The following ZNF276 variants were observed in gnomAD, a reference collection of about 807,000 sequenced individuals.
The protein encoded by ZNF276 is centromere protein Z.
In ZNF276, 59 loss-of-function variants were observed where a neutral mutation model predicts 63.9. The observed-to-expected ratio is 0.92, with a 90% CI of 0.75 to 1.15. The LOEUF (loss-of-function observed/expected upper bound fraction) is 1.15. Ranked by LOEUF, ZNF276 falls within the 50% of genes most tolerant of loss-of-function variation. The probability of loss-of-function intolerance (pLI) is 0.00; values close to 1 mark genes in which losing one functional copy is unlikely to be tolerated. For missense variants in ZNF276, 1,084 were observed against 843.8 expected (o/e 1.28, Z -3.53); for synonymous variants, 496 against 348.4 (o/e 1.42, Z -4.72).
Position 89,737,856 on chromosome 16 carries a change from A to G in ZNF276, c.1525A>G (p.Lys509Glu), listed in dbSNP as rs1374639999. The change falls in exon 10 of 11, where the codon AAG becomes GAG. Residue 509 changes from lysine (K) to glutamate (E), a missense_variant. Transcript: ENST00000443381. The part of the protein sequence containing the change: ...DECGQTFKQR[K>E]HLLVHQMRHS... ...ATGTGGACAAACCTTCAAGCAGCGG[A>G]AGCACCTTCTCGTCCACCAAATGCG... The G allele has an allele frequency of 6.2e-7, 1 of 1,614,168 alleles. No individual in the cohort carries two copies.
chr16:89,722,847 C>T lies in ZNF276; in HGVS notation c.509+13C>T, dbSNP rs374939041. 1.5e-5 allele frequency: 24 copies of T among 1,595,816 alleles called. No individual in the cohort carries two copies. The African/African-American group carries it at 2.0e-4, about 13-fold the overall frequency. ...AGCCTTGTGCAAAGTACGCCCTAGT[C>T]TGTTCAGAGCACGTTCAGGCTGTCA... On this transcript the variant is annotated intron_variant, in intron 2 of 10. Transcript: ENST00000443381.
chr16:89,735,052 GGGAGGC>G (rs1211088846), intron 9 of ZNF276, among the ~76,000 whole-genome samples: 1 of 150,240 alleles, frequency 6.7e-6, no homozygotes, highest in Non-Finnish European at 1.5e-5. Context: ...ACAGCTACTT[GGGAGGC>G]GGAGGTGGAG....
intron 5 of ZNF276, 69 bp downstream of exon 5, chr16:89,727,426 G>C: frequency 6.5e-7 from 1 of 1,547,338 alleles, no homozygotes; most frequent in Non-Finnish European, 8.9e-7. Flanking sequence ...CTTTCTGAGG[G>C]GTGAGAGAAG....
chr16:89,733,968 C>G lies in ZNF276; in HGVS notation c.1404C>G (p.Pro468=). The stretch of plus-strand genomic sequence containing the variant: ...AGGAGGTCCGGGAGCGGCCCTGCCC[C>G]CACCCTGGCTGCAACAAGGTTTTCA... ...HHEEVRERPC[P]HPGCNKVFMI... is the part of the protein sequence containing the mutation. The change falls in exon 9 of 11, where the codon CCC becomes CCG. Residue 468 remains proline, a synonymous_variant. Transcript: ENST00000443381. 6.2e-7 allele frequency: 1 copy of G among 1,614,060 alleles called. No individual in the cohort carries two copies. Among genetic ancestry groups the G allele is most frequent in the Non-Finnish European group, 8.5e-7 (1 of 1,180,026 alleles).
rs1304205350 is a variant in ZNF276 at position 89,723,336 on chromosome 16, G to A, written c.633G>A (p.Gly211=). Residue 211 remains glycine, a synonymous_variant, in exon 4 of 11, where the codon GGG becomes GGA. Transcript: ENST00000443381. ...GWVHGHAASC[G]ALPHLQRTLS... ...TGCATGGACATGCGGCCAGCTGCGG[G>A]GCCCTGCCCCACCTTCAGAGGACAC... The A allele has an allele frequency of 1.2e-6, 2 of 1,613,026 alleles. No individual in the cohort carries two copies. Among genetic ancestry groups the A allele is most frequent in the Non-Finnish European group, 1.7e-6 (2 of 1,180,026 alleles).
intron 6 of ZNF276, among the ~76,000 whole-genome samples, chr16:89,729,949 C>A (rs71396953): frequency 0.015 from 2,317 of 152,234 alleles, 41 homozygotes; most frequent in South Asian, 0.094. Flanking sequence ...CCAGCAGTAC[C>A]CAGAACACTC....
chr16:89,720,781 G>A, upstream of ZNF276: 1 of 1,458,242 alleles, frequency 6.9e-7, no homozygotes, highest in Non-Finnish European at 9.1e-7. Flanking sequence ...GGTTGCCGGT[G>A]TCCAGCTCGA....
chr16:89,733,958 G>T lies in ZNF276; in HGVS notation c.1394G>T (p.Arg465Leu), dbSNP rs986346689. The change falls in exon 9 of 11, where the codon CGG becomes CTG. Residue 465 changes from arginine to leucine, a missense_variant. Physicochemically the swap from Arg to Leu is moderately radical, Grantham distance 102 (BLOSUM62 -2). Transcript: ENST00000443381. ...GAGCACCACGAGGAGGTCCGGGAGC[G>T]GCCCTGCCCCCACCCTGGCTGCAAC... ...IKEHHEEVRERPCPHPGCNKV... is the reference protein window; with the variant it reads ...IKEHHEEVRELPCPHPGCNKV... The T allele has an allele frequency of 6.2e-7, 1 of 1,613,872 alleles. No individual in the cohort carries two copies. Among genetic ancestry groups the T allele is most frequent in the Non-Finnish European group, 8.5e-7 (1 of 1,180,010 alleles).
intron 8 of ZNF276, 32 bp from the exon 9 acceptor site, chr16:89,733,889 T>C: frequency 6.2e-7 from 1 of 1,606,566 alleles, no homozygotes; most frequent in Non-Finnish European, 8.5e-7. Context: ...CGGGTGCGGC[T>C]CTGAGGGTCT....
rs758713469 is a variant in ZNF276, at chr16:89,723,141, G to A, written c.514G>A (p.Gly172Ser). The change falls in exon 3 of 11, where the codon GGT becomes AGT. Residue 172 changes from glycine (G) to serine (S), a missense_variant. Gly to Ser is a moderately conservative substitution (Grantham distance 56, BLOSUM62 0). Transcript: ENST00000443381. Reference sequence around the variant, plus strand: ...GGCCACACTGATCCTTTGCAGGGTCGGTGCCCAGCCCCCAACAGGGGCAGA... The same window carrying A: ...GGCCACACTGATCCTTTGCAGGGTCAGTGCCCAGCCCCCAACAGGGGCAGA... Reference protein sequence around the residue: ...AGRRKPCAKVGAQPPTGAEEG... With the variant: ...AGRRKPCAKVSAQPPTGAEEG... 13 of 1,613,074 alleles carry A rather than the reference G, an allele frequency of 8.1e-6. No individual in the cohort carries two copies. The highest frequency in any genetic ancestry group is 1.7e-5 in the Admixed American group (1 of 60,008).
At position 89,738,734 on chromosome 16, in the gene ZNF276, C is replaced by A; in HGVS notation, c.*488C>A. ...CTGTGAGAGAGGAGCAGGTCCTCAG[C>A]CCATGCCGCCCACTAGGCCTCAGAC... On this transcript the variant is annotated 3_prime_UTR_variant, in exon 11 of 11. Transcript: ENST00000443381. The A allele has an allele frequency of 6.2e-7, 1 of 1,613,094 alleles. No homozygotes were observed. Among genetic ancestry groups the A allele is most frequent in the Non-Finnish European group, 8.5e-7 (1 of 1,179,598 alleles).
intron 6 of ZNF276, 61 bp from the exon 7 acceptor site, chr16:89,733,241 C>A: frequency 6.7e-7 from 1 of 1,493,420 alleles, no homozygotes; most frequent in Non-Finnish European, 9.3e-7. Flanking sequence ...GTTGGAGAGA[C>A]AAAAAACATT....
chr16:89,738,196 A>G lies in ZNF276; in HGVS notation c.1795A>G (p.Ser599Gly), dbSNP rs1489412334. The change falls in exon 11 of 11, where the codon AGC (serine) becomes GGC (glycine). Residue 599 changes from serine (S) to glycine (G), a missense_variant. Transcript: ENST00000443381. ...GGCGGAACCACCACCTGGGCCACCG[A>G]GCCCCTCTGTGACCACAGAGGGCCA... ...LEAEPPPGPP[S>G]PSVTTEGQAV... 2 of 1,611,582 alleles carry G rather than the reference A, an allele frequency of 1.2e-6. No homozygotes were observed. Among genetic ancestry groups the G allele is most frequent in the Non-Finnish European group, 1.7e-6 (2 of 1,179,252 alleles).
chr16:89,720,604 C>A (rs1032760298), upstream of ZNF276: 7 of 1,228,610 alleles, frequency 5.7e-6, no homozygotes, highest in Non-Finnish European at 7.1e-6. Flanking sequence ...CCCGGCTGCG[C>A]CCCGCCCCCG....
In ZNF276 at chr16:89,737,812, G is replaced by A. The variant is rs750573426; in HGVS notation, c.1481G>A (p.Arg494Gln). The change falls in exon 10 of 11, where the codon CGG (arginine) becomes CAG (glutamine). Residue 494 changes from arginine to glutamine, a missense_variant. Physicochemically the swap from Arg to Gln is conservative, Grantham distance 43. Coordinates refer to ENST00000443381, the MANE Select transcript of ZNF276 (RefSeq NM_001113525.2). ...CTGGACTCTCCCCTCTCAGAGGTGC[G>A]GAACTATATCTGTGACGAATGTGGA... ...RHVKLIHTEV[R>Q]NYICDECGQT... The A allele has an allele frequency of 2.5e-6, 4 of 1,614,146 alleles. No homozygotes were observed. The highest frequency in any genetic ancestry group is 3.4e-6 in the Non-Finnish European group (4 of 1,180,028).
intron 1 of ZNF276, 63 bp from the exon 2 acceptor site, chr16:89,722,468 G>A: frequency 6.6e-7 from 1 of 1,522,958 alleles, no homozygotes; most frequent in Admixed American, 2.0e-5. Context: ...CCTGGAGTCC[G>A]GGACGCCCTG....
chr16:89,739,455 A>C lies in ZNF276; in HGVS notation c.*1209A>C, dbSNP rs557800770. On this transcript the variant is annotated 3_prime_UTR_variant, in exon 11 of 11. Coordinates refer to ENST00000443381, the MANE Select transcript of ZNF276 (RefSeq NM_001113525.2). ...GTCTGGGAAACACTGCCCAGCCCTG[A>C]CCAGCCCTGTGGGTGGAGGTACCTG... 2.4e-5 allele frequency: 38 copies of C among 1,552,240 alleles called. No individual in the cohort carries two copies. Among genetic ancestry groups the C allele is most frequent in the South Asian group, 2.1e-4 (18 of 84,372 alleles).
upstream of ZNF276, chr16:89,720,462 T>C (rs758598986): frequency 1.4e-5 from 15 of 1,083,220 alleles, no homozygotes; most frequent in Non-Finnish European, 1.2e-5. Flanking sequence ...ACTCGGATTT[T>C]GGAAGGTGGC....
At position 89,740,828 on chromosome 16, in the gene ZNF276, C is replaced by T. The variant is rs1449170388; in HGVS notation, c.*2582C>T. On this transcript the variant is annotated 3_prime_UTR_variant, in exon 11 of 11. Coordinates refer to ENST00000443381, the MANE Select transcript of ZNF276 (RefSeq NM_001113525.2). ...CATTTGAGGTCAGATGTGACGACAGCAGGCCCATCAAGGAGAAGAAGAAAA... is the reference window on the plus strand; with the variant it reads ...CATTTGAGGTCAGATGTGACGACAGTAGGCCCATCAAGGAGAAGAAGAAAA... The T allele has an allele frequency of 3.7e-6, 6 of 1,613,458 alleles. No individual in the cohort carries two copies. The highest frequency in any genetic ancestry group is 5.1e-6 in the Non-Finnish European group (6 of 1,179,762).
Sources: allele counts gnomAD v4.1 joint callset (sites outside exome capture counted in the v4.1 genomes callset), GRCh38; gene constraint gnomAD v4.1.1; transcripts MANE v1.5; gene names NCBI Gene and HGNC (gene_info 2026-07-23, HGNC 2026-07-21).